CDIN1: variants seen among roughly 807,000 people sequenced by gnomAD.
CDIN1 encodes CDAN1-interacting nuclease 1.
In CDIN1, 33 loss-of-function variants were observed where a neutral mutation model predicts 45.3. The ratio of observed to expected loss-of-function variants is 0.73; its 90% CI spans 0.55 to 0.97. The LOEUF (loss-of-function observed/expected upper bound fraction) is 0.97, where lower values mean the gene tolerates loss of function less well. Among genes scored for constraint, CDIN1 ranks in the 50% least tolerant of loss-of-function variants. The pLI, the probability that CDIN1 is intolerant of heterozygous loss-of-function variation, is 0.00. For missense variants in CDIN1, 303 were observed against 339.4 expected, an observed-to-expected ratio of 0.89 and a Z score of 0.84; for synonymous variants, 118 against 124.4, an observed-to-expected ratio of 0.95 and a Z score of 0.34.
At chr15:36,798,163 C>G (rs2054882533) in intron 10 of CDIN1, among the ~76,000 whole-genome samples, 1 of 152,026 alleles carries the variant, frequency 6.6e-6, no homozygotes, top group Admixed American at 6.6e-5. Context: ...TTGGCTGACT[C>G]CTATGTGCCA....
intron 10 of CDIN1, among the ~76,000 whole-genome samples, chr15:36,759,825 G>A (rs2053710637): frequency 1.3e-5 from 2 of 152,108 alleles, no homozygotes; most frequent in African/African-American, 2.4e-5. Flanking sequence ...GAGCAAACGG[G>A]GAAGTGCTAC....
intron 5 of CDIN1, among the ~76,000 whole-genome samples, chr15:36,664,506 G>GT (rs2041163452): frequency 6.6e-6 from 1 of 152,136 alleles, no homozygotes; most frequent in Non-Finnish European, 1.5e-5. Context: ...GCTCATTCTA[G>GT]AGGGTAATGC....
At chr15:36,806,380 T>C (rs148691428) in intron 10 of CDIN1, among the ~76,000 whole-genome samples, 26 of 149,664 alleles carry the variant, frequency 1.7e-4, no homozygotes, top group African/African-American at 6.0e-4. Flanking sequence ...GCTGGTGATA[T>C]GTGTTTTTGT....
At chr15:36,648,958 C>T (rs2140428405) in intron 3 of CDIN1, among the ~76,000 whole-genome samples, 1 of 152,198 alleles carries the variant, frequency 6.6e-6, no homozygotes, top group South Asian at 2.1e-4. Context: ...CAATCTGTTT[C>T]CCAGCTATAT....
At chr15:36,715,225 A>G (rs2043181113) in intron 10 of CDIN1, among the ~76,000 whole-genome samples, 1 of 152,180 alleles carries the variant, frequency 6.6e-6, no homozygotes, top group South Asian at 2.1e-4. Flanking sequence ...CTTTGGCTCC[A>G]GAGAGTCTAC....
chr15:36,734,831 G>A (rs1269943921), intron 10 of CDIN1, among the ~76,000 whole-genome samples: 1 of 152,102 alleles, frequency 6.6e-6, no homozygotes, highest in Non-Finnish European at 1.5e-5. Flanking sequence ...TGTATTCACT[G>A]TTCAATGTAA....
intron 10 of CDIN1, among the ~76,000 whole-genome samples, chr15:36,720,346 T>C (rs1036522264): frequency 3.9e-5 from 6 of 151,932 alleles, no homozygotes; most frequent in African/African-American, 1.2e-4. Flanking sequence ...GATACATAGG[T>C]ATACATGTGC....
At chr15:36,764,727 A>G (rs1443305026) in intron 10 of CDIN1, among the ~76,000 whole-genome samples, 2 of 152,182 alleles carry the variant, frequency 1.3e-5, no homozygotes, top group Non-Finnish European at 2.9e-5. Context: ...GTATGTAGTC[A>G]CCTAGAATAA....
At chr15:36,595,290 TTATAATATAA>T (rs36228170) in intron 1 of CDIN1, among the ~76,000 whole-genome samples, 24,742 of 141,310 alleles carry the variant, frequency 0.18, 2,548 homozygotes, top group East Asian at 0.31. Context: ...TACACTTACA[TTATAATATAA>T]TATAATATAA....
At chr15:36,788,093 TATATATA>T (rs1566973665) in intron 10 of CDIN1, among the ~76,000 whole-genome samples, 29 of 40,800 alleles carry the variant, frequency 7.1e-4, no homozygotes, top group African/African-American at 1.3e-3. Flanking sequence ...TATATATATA[TATATATA>T]TATATATTTT....
intron 1 of CDIN1, among the ~76,000 whole-genome samples, chr15:36,642,807 A>G (rs1484697895): frequency 1.3e-5 from 2 of 152,188 alleles, no homozygotes; most frequent in Non-Finnish European, 2.9e-5. Flanking sequence ...AAAGAATGAC[A>G]TGTTGTGTAC....
intron 1 of CDIN1, chr15:36,618,085 T>G (rs567045367): frequency 2.7e-6 from 2 of 742,466 alleles, no homozygotes; most frequent in African/African-American, 3.5e-5. Context: ...ATCCTACACC[T>G]TACTTTGAAA....
chr15:36,708,600 A>G (rs1202050923), intron 8 of CDIN1: 1 of 151,920 alleles, frequency 6.6e-6, no homozygotes, highest in African/African-American at 2.4e-5. Context: ...CAGACTTAGG[A>G]AAAAAAATCT....
At chr15:36,688,064 T>C (rs2042121991) in intron 5 of CDIN1, among the ~76,000 whole-genome samples, 2 of 151,774 alleles carry the variant, frequency 1.3e-5, no homozygotes, top group African/African-American at 2.4e-5. Flanking sequence ...AAATAAAAAA[T>C]TGAAAATGAA....
intron 5 of CDIN1, among the ~76,000 whole-genome samples, chr15:36,685,254 C>T (rs367914939): frequency 1.2e-4 from 18 of 151,524 alleles, no homozygotes; most frequent in African/African-American, 1.7e-4. Flanking sequence ...GCTTTGAATG[C>T]GTCCCAGAGA....
At position 36,734,270 on chromosome 15, in the gene CDIN1, A is replaced by G. The variant is rs146963597; in HGVS notation, c.716+24309A>G. The G allele has an allele frequency of 8.6e-4, 252 of 294,042 alleles. 2 individuals are homozygous for G. Among genetic ancestry groups the G allele is most frequent in the Non-Finnish European group, 1.6e-4 (24 of 147,592 alleles). The allele number at this position is 294,042 out of a possible 1,614,324, so 18.2% of individuals were successfully genotyped here. A position where few individuals can be genotyped will look rare whatever the true frequency, so the allele number is the denominator to read the frequency against. ...AAAATGATCAGAAATATCAGTGCAT[A>G]TGCTGTTTGTTTTAATTAACATGTT... On this transcript the variant is annotated intron_variant, in intron 10 of 10. Transcript: ENST00000566621.
intron 8 of CDIN1, among the ~76,000 whole-genome samples, chr15:36,702,701 C>T (rs1015858773): frequency 2.6e-5 from 4 of 152,112 alleles, no homozygotes; most frequent in African/African-American, 9.7e-5. Flanking sequence ...GAGAGATTTG[C>T]TTCTGCTGTG....
intron 10 of CDIN1, among the ~76,000 whole-genome samples, chr15:36,772,144 A>C (rs1189651246): frequency 6.6e-6 from 1 of 152,088 alleles, no homozygotes; most frequent in Non-Finnish European, 1.5e-5. Context: ...CTTCAAGTAG[A>C]GTGTACTGTC....
intron 10 of CDIN1, among the ~76,000 whole-genome samples, chr15:36,785,002 TTATC>T (rs1241457223): frequency 2.6e-5 from 4 of 152,116 alleles, no homozygotes; most frequent in African/African-American, 9.7e-5. Context: ...AGGAGATGGG[TTATC>T]TTTCTGAATT....
Sources: allele counts gnomAD v4.1 joint callset (sites outside exome capture counted in the v4.1 genomes callset), GRCh38; gene constraint gnomAD v4.1.1; transcripts MANE v1.5; gene names NCBI Gene and HGNC (gene_info 2026-07-23, HGNC 2026-07-21).